Variants in ADAM12 observed in about 807,000 individuals in gnomAD.
ADAM12 encodes disintegrin and metalloproteinase domain-containing protein 12.
Under a neutral mutation model 106.4 loss-of-function variants are expected in ADAM12, and 70 were observed. The observed-to-expected ratio is 0.66, with a 90% CI of 0.54 to 0.80. The LOEUF is 0.80. Among genes scored for constraint, ADAM12 ranks in the 30% least tolerant of loss-of-function variants. ADAM12 has a pLI of 0.00. For missense variants in ADAM12, 1,010 were observed against 1,171.9 expected (o/e 0.86, Z 2.02); for synonymous variants, 420 against 433.5 (o/e 0.97, Z 0.39).
intron 8 of ADAM12, among the ~76,000 whole-genome samples, chr10:126,108,158 C>T (rs1955808018): frequency 6.6e-6 from 1 of 152,162 alleles, no homozygotes; most frequent in Non-Finnish European, 1.5e-5. Context: ...CTTATAAATG[C>T]AAGCCCACCC....
intron 11 of ADAM12, among the ~76,000 whole-genome samples, chr10:126,092,321 C>G (rs1184148191): frequency 6.6e-6 from 1 of 152,196 alleles, no homozygotes; most frequent in African/African-American, 2.4e-5. Context: ...GCACATCAGT[C>G]TCCTGCCAAA....
chr10:126,189,358 G>C (rs1957456177), intron 3 of ADAM12, among the ~76,000 whole-genome samples: 1 of 152,180 alleles, frequency 6.6e-6, no homozygotes, highest in East Asian at 1.9e-4. Flanking sequence ...AGTGTAGGAA[G>C]GACTGAGGCA....
chr10:126,211,090 G>T (rs1363382559), intron 3 of ADAM12, among the ~76,000 whole-genome samples: 8 of 152,140 alleles, frequency 5.3e-5, no homozygotes, highest in Admixed American at 5.2e-4. Context: ...TGGGGCTGTG[G>T]CATTAGAATG....
intron 2 of ADAM12, among the ~76,000 whole-genome samples, chr10:126,289,636 A>T (rs1411227949): frequency 6.6e-6 from 1 of 152,216 alleles, no homozygotes; most frequent in Admixed American, 6.5e-5. Context: ...TTGAAAGTTT[A>T]TGGAGATGCA....
chr10:126,228,301 C>T (rs956597821), intron 3 of ADAM12, among the ~76,000 whole-genome samples: 2 of 152,176 alleles, frequency 1.3e-5, no homozygotes, highest in Non-Finnish European at 2.9e-5. Context: ...CCATAAAGTG[C>T]ATCCTAAGAT....
chr10:126,226,986 G>A (rs749163373), intron 3 of ADAM12, among the ~76,000 whole-genome samples: 24 of 151,952 alleles, frequency 1.6e-4, no homozygotes, highest in Admixed American at 6.6e-4. Flanking sequence ...ACTGCTTATC[G>A]TACAGCAGAT....
chr10:126,275,309 G>A (rs986887410), intron 3 of ADAM12, among the ~76,000 whole-genome samples: 8 of 152,178 alleles, frequency 5.3e-5, no homozygotes, highest in Admixed American at 6.5e-5. Flanking sequence ...AAGTATGAAA[G>A]TTATCAACCT....
chr10:126,360,170 C>T (rs1184461253), intron 1 of ADAM12, among the ~76,000 whole-genome samples: 2 of 152,154 alleles, frequency 1.3e-5, no homozygotes, highest in Non-Finnish European at 2.9e-5. Context: ...CCATTCTTTT[C>T]CCCCTAGGTC....
At chr10:126,113,134 GA>G (rs1955901036) in intron 6 of ADAM12, among the ~76,000 whole-genome samples, 2 of 152,216 alleles carry the variant, frequency 1.3e-5, no homozygotes, top group Admixed American at 6.5e-5. Context: ...GGCATGTGTG[GA>G]AAGATTGTGG....
chr10:126,019,731 C>T lies in ADAM12; in HGVS notation c.2624G>A (p.Gly875Glu), dbSNP rs141746959. Reference sequence around the variant, plus strand: ...CAGGCGGAGCCCAGTCTCCCATTGTCCTGGGGTCCTGGCCAAGGCATGAGT... The same window carrying T: ...CAGGCGGAGCCCAGTCTCCCATTGTTCTGGGGTCCTGGCCAAGGCATGAGT... ...RLTHALARTP[G>E]QWETGLRLAP... The change falls in exon 22 of 23, where the codon GGA becomes GAA. Residue 875 changes from glycine to glutamate, a missense_variant. Physicochemically the swap from Gly to Glu is moderately conservative, Grantham distance 98. Coordinates refer to ENST00000448723, the MANE Select transcript of ADAM12 (RefSeq NM_001288973.2). 3 of 1,614,132 alleles carry T rather than the reference C, an allele frequency of 1.9e-6. No homozygotes were observed. The highest frequency in any genetic ancestry group is 1.6e-4 in the Middle Eastern group (1 of 6,062).
At chr10:126,086,680 A>AATATATATATATATATATAGAT (rs1955358644) in intron 11 of ADAM12, among the ~76,000 whole-genome samples, 2 of 24,274 alleles carry the variant, frequency 8.2e-5, no homozygotes, top group Admixed American at 7.9e-4. Flanking sequence ...AAAAAAAAAA[A>AATATATATATATATATATAGAT]ATATATATAT....
chr10:126,055,402 C>T (rs1328100005), intron 14 of ADAM12, among the ~76,000 whole-genome samples: 1 of 152,242 alleles, frequency 6.6e-6, no homozygotes, highest in African/African-American at 2.4e-5. Context: ...CAAACACACA[C>T]ACTTTAAATG....
In ADAM12 at chr10:126,343,868, A is replaced by G. The variant is rs1855032212; in HGVS notation, c.89-13359T>C. ...GTTCATATCCTTCACCCACTTTTTG[A>G]TGGGGTTGTTTTTTTCTTGTAAATT... On this transcript the variant is annotated intron_variant, in intron 1 of 22. Coordinates refer to ENST00000448723, the MANE Select transcript of ADAM12 (RefSeq NM_001288973.2). Among the ~76,000 whole-genome samples the G allele has an allele frequency of 1.3e-5, 2 of 151,936 alleles. 1 individual carries two copies. The highest frequency in any genetic ancestry group is 4.1e-4 in the South Asian group (2 of 4,820).
Position 126,101,129 on chromosome 10 carries a change from T to G in ADAM12, c.854A>C (p.Asp285Ala), listed in dbSNP as rs144561426. The stretch of plus-strand genomic sequence containing the variant: ...AGGTAGAAGCTTCATCTTCCTCCAG[T>G]CCAGAAATTCATGGAGGCTGGTGAA... Reference protein sequence around the residue: ...DPFTSLHEFLDWRKMKLLPRK... With the variant: ...DPFTSLHEFLAWRKMKLLPRK... Residue 285 changes from aspartate (D) to alanine (A), a missense_variant, in exon 9 of 23, where the codon GAC becomes GCC. Coordinates refer to ENST00000448723, the MANE Select transcript of ADAM12 (RefSeq NM_001288973.2). 1 of 1,613,912 alleles carries G rather than the reference T, an allele frequency of 6.2e-7. No homozygotes were observed. The highest frequency in any genetic ancestry group is 1.3e-5 in the African/African-American group (1 of 74,912).
intron 5 of ADAM12, among the ~76,000 whole-genome samples, chr10:126,128,863 G>A (rs55814301): frequency 0.035 from 5,264 of 148,558 alleles, 174 homozygotes; most frequent in East Asian, 0.14. Flanking sequence ...GCAAGTGGGC[G>A]CCTGTGCGAG....
At chr10:126,108,103 T>G (rs1415770630) in intron 8 of ADAM12, among the ~76,000 whole-genome samples, 4 of 152,202 alleles carry the variant, frequency 2.6e-5, no homozygotes, top group African/African-American at 9.7e-5. Flanking sequence ...CTGATTTAGC[T>G]GAAAGTCAAC....
chr10:126,221,208 A>G (rs1184206963), intron 3 of ADAM12, among the ~76,000 whole-genome samples: 2 of 151,852 alleles, frequency 1.3e-5, no homozygotes, highest in African/African-American at 4.8e-5. Flanking sequence ...ATATGGTGAA[A>G]CCCCGTCTCT....
rs532587071 is a variant in ADAM12 at position 126,278,246 on chromosome 10, C to T, written c.260+669G>A. Among the ~76,000 whole-genome samples the T allele has an allele frequency of 1.6e-3, 239 of 152,164 alleles. 5 individuals are homozygous for T. Among genetic ancestry groups the T allele is most frequent in the South Asian group, 1.5e-3 (7 of 4,806 alleles). ...CTAATGAAATAGAATATTAAGGAGT[C>T]CTTTAGATCTGAGGAATCTGTGGGG... On this transcript the variant is annotated intron_variant, in intron 3 of 22. Coordinates refer to ENST00000448723, the MANE Select transcript of ADAM12 (RefSeq NM_001288973.2).
intron 3 of ADAM12, among the ~76,000 whole-genome samples, chr10:126,158,114 GAATA>G (rs1233641969): frequency 6.6e-6 from 1 of 152,208 alleles, no homozygotes; most frequent in East Asian, 1.9e-4. Context: ...GACTTGAGGG[GAATA>G]ACTGGAGGGA....
Sources: allele counts gnomAD v4.1 joint callset (sites outside exome capture counted in the v4.1 genomes callset), GRCh38; gene constraint gnomAD v4.1.1; transcripts MANE v1.5; gene names NCBI Gene and HGNC (gene_info 2026-07-23, HGNC 2026-07-21).